Variants in MIER1 observed in about 807,000 individuals in gnomAD.
MIER1 encodes MIER1 transcriptional regulator, also known as mesoderm induction early response protein 1.
MIER1 carries 40 observed loss-of-function variants against 75.7 expected under a neutral mutation model. That is an observed-to-expected ratio of 0.53 (90% CI 0.41 to 0.69). MIER1 has a LOEUF of 0.69. Among genes scored for constraint, MIER1 ranks in the 30% least tolerant of loss-of-function variants. The probability of loss-of-function intolerance (pLI) is 0.00; values close to 1 mark genes in which losing one functional copy is unlikely to be tolerated. For missense variants in MIER1, 574 were observed against 680.2 expected (o/e 0.84, Z 1.74); for synonymous variants, 213 against 223.4 (o/e 0.95, Z 0.42).
At chr1:66,964,179 C>G (rs184293714) in intron 8 of MIER1, among the ~76,000 whole-genome samples, 296 of 149,766 alleles carry the variant, frequency 2.0e-3, no homozygotes, top group African/African-American at 6.6e-3. Context: ...TCAAGTGATT[C>G]TCCTGCCTCA....
At chr1:66,973,762 G>A (rs1029484214) in intron 11 of MIER1, among the ~76,000 whole-genome samples, 1 of 152,074 alleles carries the variant, frequency 6.6e-6, no homozygotes, top group Non-Finnish European at 1.5e-5. Context: ...GAGATTAAAT[G>A]TAGGAAATTA....
intron 3 of MIER1, among the ~76,000 whole-genome samples, chr1:66,944,909 A>G (rs1657129054): frequency 6.6e-6 from 1 of 151,846 alleles, no homozygotes; most frequent in Admixed American, 6.6e-5. Flanking sequence ...AATTTTTTGT[A>G]GAGACGGTGT....
In MIER1 at chr1:66,966,705, C is replaced by A. The variant is rs1237144345; in HGVS notation, c.772+3545C>A. Among the ~76,000 whole-genome samples the A allele has an allele frequency of 2.0e-5, 3 of 152,178 alleles. No individual in the cohort carries two copies. In the East Asian group the frequency reaches 5.8e-4, roughly 29 times the overall value. The stretch of plus-strand genomic sequence containing the variant: ...CATCCTCTCCAGCACCTGTTGTTTC[C>A]TGACTTTTTAATGATTGCCATTCTA... On this transcript the variant is annotated intron_variant, in intron 8 of 13. Transcript: ENST00000401041.
intron 2 of MIER1, chr1:66,930,271 G>A: frequency 6.5e-7 from 1 of 1,527,686 alleles, no homozygotes; most frequent in Non-Finnish European, 8.8e-7. Context: ...CGCCGAGGCA[G>A]TGGCGGCGGG....
In MIER1 at chr1:66,986,410, C is replaced by G; in HGVS notation, c.*1510C>G. On this transcript the variant is annotated 3_prime_UTR_variant, in exon 14 of 14. Transcript: ENST00000401041. ...CTTGTTTTTCTCACACAGGCATACT[C>G]CAAATGCTTCTTCCAGTTCATTTTT... is the stretch of plus-strand genomic sequence containing the variant. 1.2e-6 allele frequency: 2 copies of G among 1,613,130 alleles called. No individual in the cohort carries two copies. Among genetic ancestry groups the G allele is most frequent in the South Asian group, 1.1e-5 (1 of 91,036 alleles).
At chr1:66,978,500 G>T (rs1413146670) in intron 12 of MIER1, among the ~76,000 whole-genome samples, 1 of 152,036 alleles carries the variant, frequency 6.6e-6, no homozygotes, top group African/African-American at 2.4e-5. Flanking sequence ...ATTGCTTAAT[G>T]TTAAATTTAT....
chr1:66,984,307 C>A (rs185790664), intron 13 of MIER1, among the ~76,000 whole-genome samples: 2 of 152,274 alleles, frequency 1.3e-5, no homozygotes, highest in Admixed American at 1.3e-4. Context: ...TAGTTCTTTA[C>A]ATTTATTAAC....
chr1:66,964,660 C>T (rs1034186963), intron 8 of MIER1, among the ~76,000 whole-genome samples: 1 of 150,310 alleles, frequency 6.7e-6, no homozygotes, highest in Non-Finnish European at 1.5e-5. Context: ...CCATGTCGGT[C>T]AGGCTGGTCT....
intron 7 of MIER1, 145 bp downstream of exon 7, chr1:66,959,888 T>C: frequency 2.6e-6 from 1 of 388,582 alleles, no homozygotes; most frequent in Non-Finnish European, 4.7e-6. Flanking sequence ...TTGGTAAATG[T>C]TCAGATTCCT....
intron 3 of MIER1, among the ~76,000 whole-genome samples, chr1:66,945,902 T>G (rs1238387295): frequency 2.0e-5 from 3 of 152,214 alleles, no homozygotes; most frequent in Non-Finnish European, 4.4e-5. Flanking sequence ...CCTGTTCTTA[T>G]TTGATATGAC....
chr1:66,933,536 A>G (rs539673757), intron 2 of MIER1, among the ~76,000 whole-genome samples: 2 of 152,208 alleles, frequency 1.3e-5, no homozygotes, highest in African/African-American at 4.8e-5. Flanking sequence ...CTCCTTGCTT[A>G]GTATTTTTTG....
chr1:66,925,557 T>C, intron 1 of MIER1: 3 of 985,388 alleles, frequency 3.0e-6, no homozygotes, highest in Non-Finnish European at 3.6e-6. Context: ...CTGGGCCAAC[T>C]TGCCCTTTTC....
chr1:66,939,042 A>G (rs1206980129), intron 2 of MIER1, among the ~76,000 whole-genome samples: 1 of 152,160 alleles, frequency 6.6e-6, no homozygotes, highest in African/African-American at 2.4e-5. Flanking sequence ...ATTACTTAGC[A>G]GAAAGAAAAT....
intron 4 of MIER1, among the ~76,000 whole-genome samples, chr1:66,956,395 C>G (rs1251431608): frequency 1.3e-5 from 2 of 152,192 alleles, no homozygotes; most frequent in Non-Finnish European, 2.9e-5. Context: ...GCCTGGGTGA[C>G]AGAGCAAGAT....
rs781762234 is a variant in MIER1 at position 66,924,997 on chromosome 1, T to C, written c.-32T>C. ...GCGGGCGGCCCGGGCCTCAGGCCCCTCCCAGGCTCTGAGTCTCCCGGCTGC... is the reference window on the plus strand; with the variant it reads ...GCGGGCGGCCCGGGCCTCAGGCCCCCCCCAGGCTCTGAGTCTCCCGGCTGC... On this transcript the variant is annotated 5_prime_UTR_variant, in exon 1 of 14. Coordinates refer to ENST00000401041, the MANE Select transcript of MIER1 (RefSeq NM_001077700.3). 6.5e-7 allele frequency: 1 copy of C among 1,543,498 alleles called. No individual in the cohort carries two copies. Among genetic ancestry groups the C allele is most frequent in the Non-Finnish European group, 8.7e-7 (1 of 1,144,836 alleles).
chr1:66,946,508 T>A, intron 4 of MIER1: 2 of 1,254,120 alleles, frequency 1.6e-6, no homozygotes, highest in Non-Finnish European at 2.0e-6. Context: ...ATTCACATAG[T>A]TACTTTGGTA....
intron 4 of MIER1, among the ~76,000 whole-genome samples, chr1:66,950,737 T>G (rs1000276164): frequency 1.3e-5 from 2 of 151,630 alleles, no homozygotes; most frequent in African/African-American, 2.4e-5. Flanking sequence ...AAAAGAAATC[T>G]CAGTGTGAGG....
chr1:66,930,341 C>G lies in MIER1; in HGVS notation c.168+4099C>G, dbSNP rs766835519. 9 of 1,604,874 alleles carry G rather than the reference C, an allele frequency of 5.6e-6. No homozygotes were observed. The East Asian group carries it at 1.8e-4, about 33-fold the overall frequency. On this transcript the variant is annotated intron_variant, in intron 2 of 13. Transcript: ENST00000401041. ...CTGAGTCTCACATCCGGGTTCTGGCCGTGACCCAGCTGCGGCCGCCGCGGA... is the reference window on the plus strand; with the variant it reads ...CTGAGTCTCACATCCGGGTTCTGGCGGTGACCCAGCTGCGGCCGCCGCGGA...
chr1:66,941,962 CCTT>C (rs1251906447), intron 3 of MIER1, among the ~76,000 whole-genome samples: 2 of 111,854 alleles, frequency 1.8e-5, no homozygotes, highest in South Asian at 3.6e-4. Context: ...GAGCGAGACT[CCTT>C]CTCTCAAAAA....
Sources: allele counts gnomAD v4.1 joint callset (sites outside exome capture counted in the v4.1 genomes callset), GRCh38; gene constraint gnomAD v4.1.1; transcripts MANE v1.5; gene names NCBI Gene and HGNC (gene_info 2026-07-23, HGNC 2026-07-21).